CUX2: variants seen among roughly 807,000 people sequenced by gnomAD.
CUX2 encodes the protein homeobox protein cut-like 2.
Under a neutral mutation model 144.8 loss-of-function variants are expected in CUX2, and 40 were observed. The observed-to-expected ratio is 0.28, with a 90% CI of 0.21 to 0.36. CUX2 has a LOEUF of 0.36. Among genes scored for constraint, CUX2 ranks in the 10% least tolerant of loss-of-function variants. The pLI, the probability that CUX2 is intolerant of heterozygous loss-of-function variation, is 1.00. For missense variants in CUX2, 1,615 were observed against 1,994.0 expected, an observed-to-expected ratio of 0.81 and a Z score of 3.62; for synonymous variants, 827 against 875.6, an observed-to-expected ratio of 0.94 and a Z score of 0.98.
intron 3 of CUX2, among the ~76,000 whole-genome samples, chr12:111,247,560 C>T (rs367979519): frequency 5.9e-5 from 9 of 152,286 alleles, no homozygotes; most frequent in Admixed American, 2.6e-4. Context: ...CACAGGGTGG[C>T]GAGAGTTCAT....
intron 1 of CUX2, among the ~76,000 whole-genome samples, chr12:111,136,476 A>T (rs1173586637): frequency 6.6e-6 from 1 of 151,926 alleles, no homozygotes; most frequent in Non-Finnish European, 1.5e-5. Flanking sequence ...TGACAGGGAG[A>T]CCCCAGCTGC....
Position 111,246,879 on chromosome 12 carries a change from G to A in CUX2, c.223-16882G>A, listed in dbSNP as rs1883306321. 6.6e-6 allele frequency among the ~76,000 whole-genome samples: 1 copy of A among 152,098 alleles called. No homozygotes were observed. The highest frequency in any genetic ancestry group is 2.1e-4 in the South Asian group (1 of 4,828). On this transcript the variant is annotated intron_variant, in intron 3 of 21. Coordinates refer to ENST00000261726, the MANE Select transcript of CUX2 (RefSeq NM_015267.4). The surrounding 1 kb of genome is among the most constrained non-coding windows in gnomAD (Gnocchi z 4.0). The stretch of plus-strand genomic sequence containing the variant: ...GTCCTTGACTGTCCCTCCTCAAAGC[G>A]CTGCTTCCCTGCCACCCTCTGCTGT...
At chr12:111,163,176 G>A (rs1469135504) in intron 1 of CUX2, among the ~76,000 whole-genome samples, 4 of 152,100 alleles carry the variant, frequency 2.6e-5, no homozygotes, top group Non-Finnish European at 5.9e-5. Flanking sequence ...CCACCTCATA[G>A]AATTGTTGTA....
chr12:111,139,733 A>C (rs941840361), intron 1 of CUX2, among the ~76,000 whole-genome samples: 1 of 152,218 alleles, frequency 6.6e-6, no homozygotes, highest in Non-Finnish European at 1.5e-5. Context: ...CGTTCCTTCC[A>C]TGGGGCTGAG....
At chr12:111,324,159 G>A (rs1295340001) in intron 18 of CUX2, among the ~76,000 whole-genome samples, 1 of 152,030 alleles carries the variant, frequency 6.6e-6, no homozygotes, top group Non-Finnish European at 1.5e-5. Flanking sequence ...GACCAGTCTG[G>A]CCAACATGGT....
At chr12:111,163,012 C>T (rs1045271483) in intron 1 of CUX2, among the ~76,000 whole-genome samples, 1 of 150,926 alleles carries the variant, frequency 6.6e-6, no homozygotes, top group Non-Finnish European at 1.5e-5. Flanking sequence ...TACCACTGCA[C>T]TCCAGCCTGG....
In CUX2 at chr12:111,310,672, G is replaced by A; in HGVS notation, c.1890G>A (p.Val630=). 6.3e-7 allele frequency: 1 copy of A among 1,586,162 alleles called. No homozygotes were observed. The highest frequency in any genetic ancestry group is 8.6e-7 in the Non-Finnish European group (1 of 1,159,956). ...QNVLALRTIQ[V]RQRGSITPRI... ...TACTGGCGCTCAGGACCATCCAAGT[G>A]CGGCAGCGAGGTGAGTGCCCAAGAG... Residue 630 remains valine (V), a synonymous_variant, in exon 15 of 22, where the codon GTG becomes GTA. Transcript: ENST00000261726. This position sits in a 1 kb window ranked among gnomAD's most constrained non-coding sequence, Gnocchi z 7.9.
chr12:111,040,552 T>C (rs1008249994), intron 1 of CUX2, among the ~76,000 whole-genome samples: 7 of 152,106 alleles, frequency 4.6e-5, no homozygotes, highest in Admixed American at 4.6e-4. Context: ...TCTTTCATTC[T>C]GAGCCCAAAT....
At chr12:111,168,350 T>C (rs1436492926) in intron 1 of CUX2, among the ~76,000 whole-genome samples, 2 of 152,208 alleles carry the variant, frequency 1.3e-5, no homozygotes, top group African/African-American at 2.4e-5. Context: ...CCCTTCTCTC[T>C]GCCTGTCACC....
chr12:111,050,196 C>T (rs1223199375), intron 1 of CUX2, among the ~76,000 whole-genome samples: 1 of 151,264 alleles, frequency 6.6e-6, no homozygotes, highest in Admixed American at 6.6e-5. Context: ...ATACTACATT[C>T]TCTTCATTTT....
At chr12:111,157,433 T>A (rs75142369) in intron 1 of CUX2, among the ~76,000 whole-genome samples, 5,445 of 151,856 alleles carry the variant, frequency 0.036, 357 homozygotes, top group African/African-American at 0.13. Context: ...AGGATTTTCC[T>A]TGGGGAAGTG....
At chr12:111,253,629 T>C in intron 3 of CUX2, among the ~76,000 whole-genome samples, 1 of 152,158 alleles carries the variant, frequency 6.6e-6, no homozygotes, top group Non-Finnish European at 1.5e-5. Flanking sequence ...GAGGTAGGTG[T>C]TTGCGCCAGT....
chr12:111,205,880 T>C (rs1880893503), intron 1 of CUX2, among the ~76,000 whole-genome samples: 1 of 152,200 alleles, frequency 6.6e-6, no homozygotes, highest in Non-Finnish European at 1.5e-5. Flanking sequence ...CACTCATTCA[T>C]TCGACCAACA....
At position 111,284,662 on chromosome 12, in the gene CUX2, G is replaced by A. The variant is rs181780141; in HGVS notation, c.302-6756G>A. 3.8e-3 allele frequency among the ~76,000 whole-genome samples: 572 copies of A among 152,318 alleles called. 2 individuals are homozygous for A. The highest frequency in any genetic ancestry group is 0.012 in the African/African-American group (519 of 41,554). On this transcript the variant is annotated intron_variant, in intron 4 of 21. Transcript: ENST00000261726. Reference sequence around the variant, plus strand: ...ATGCTTACTTAAGACCGCACAATGAGTAAGTGGCAGAGATGGGATTCTAAC... The same window carrying A: ...ATGCTTACTTAAGACCGCACAATGAATAAGTGGCAGAGATGGGATTCTAAC...
chr12:111,334,083 AG>A (rs915842705), intron 18 of CUX2, among the ~76,000 whole-genome samples: 3 of 150,288 alleles, frequency 2.0e-5, no homozygotes, highest in Non-Finnish European at 1.5e-5. Flanking sequence ...GCTACTTGGG[AG>A]GCTGAGGCAG....
chr12:111,207,339 G>A (rs931382327), intron 1 of CUX2, among the ~76,000 whole-genome samples: 14 of 152,200 alleles, frequency 9.2e-5, no homozygotes, highest in African/African-American at 3.4e-4. Flanking sequence ...TTATACCCAA[G>A]CTTGTCTGGT....
chr12:111,118,774 A>G (rs1874450147), intron 1 of CUX2, among the ~76,000 whole-genome samples: 1 of 152,182 alleles, frequency 6.6e-6, no homozygotes, highest in South Asian at 2.1e-4. Flanking sequence ...CACCTGAGAG[A>G]GCTTAAAAAA....
chr12:111,159,257 C>T (rs1877594714), intron 1 of CUX2, among the ~76,000 whole-genome samples: 1 of 152,010 alleles, frequency 6.6e-6, no homozygotes, highest in South Asian at 2.1e-4. Context: ...AGTCATCCCG[C>T]CTACCTCAAC....
chr12:111,184,490 G>A (rs1258851492), intron 1 of CUX2, among the ~76,000 whole-genome samples: 3 of 140,852 alleles, frequency 2.1e-5, no homozygotes, highest in Non-Finnish European at 3.0e-5. Flanking sequence ...TGCTCTTGAT[G>A]TACTGATAAA....
Sources: gnomAD v4.1 joint callset for allele counts (sites outside exome capture counted in the v4.1 genomes callset) on GRCh38, gnomAD v4.1.1 for gene constraint, Gnocchi (gnomAD v3.1) non-coding constraint, MANE v1.5 for transcripts, NCBI Gene and HGNC (gene_info 2026-07-23, HGNC 2026-07-21) for gene names.